Variants in CD36 observed in about 807,000 individuals in gnomAD.
CD36 encodes CD36 molecule (CD36 blood group).
CD36 carries 119 observed loss-of-function variants against 55.2 expected under a neutral mutation model. That is an observed-to-expected ratio of 2.15 (90% CI 1.86 to 2.51). CD36 has a LOEUF of 2.51. Ranked by LOEUF, CD36 falls within the 30% of genes most tolerant of loss-of-function variation. The pLI, the probability that CD36 is intolerant of heterozygous loss-of-function variation, is 0.00. For missense variants in CD36, 819 were observed against 555.5 expected, an observed-to-expected ratio of 1.47 and a Z score of -4.77; for synonymous variants, 186 against 193.6, an observed-to-expected ratio of 0.96 and a Z score of 0.33.
intron 1 of CD36, among the ~76,000 whole-genome samples, chr7:80,606,953 A>G (rs182491679): frequency 6.6e-6 from 1 of 152,204 alleles, no homozygotes; most frequent in Admixed American, 6.5e-5. Context: ...ATCTTTGTGT[A>G]TTTTATCCTT....
chr7:80,658,262 G>A (rs1334034230), intron 4 of CD36, among the ~76,000 whole-genome samples: 2 of 145,130 alleles, frequency 1.4e-5, no homozygotes, highest in Non-Finnish European at 3.1e-5. Context: ...GTTGTTAGGT[G>A]TACCATATAT....
At chr7:80,610,211 A>T (rs570953920) in intron 1 of CD36, among the ~76,000 whole-genome samples, 13 of 152,318 alleles carry the variant, frequency 8.5e-5, no homozygotes, top group African/African-American at 3.1e-4. Flanking sequence ...GCCTTTTTAA[A>T]AATTGTTACT....
At chr7:80,663,815 C>A (rs1796752772) in intron 6 of CD36, among the ~76,000 whole-genome samples, 1 of 152,064 alleles carries the variant, frequency 6.6e-6, no homozygotes, top group African/African-American at 2.4e-5. Flanking sequence ...CTTCATTTGG[C>A]ACTATATGTG....
At chr7:80,634,197 A>G (rs1355683501), upstream of CD36, among the ~76,000 whole-genome samples, 1 of 152,018 alleles carries the variant, frequency 6.6e-6, no homozygotes, top group Admixed American at 6.6e-5. Flanking sequence ...TTATTCAGCA[A>G]GGTAATACAT....
intron 1 of CD36, among the ~76,000 whole-genome samples, chr7:80,643,875 G>A (rs570232338): frequency 4.6e-5 from 7 of 152,212 alleles, no homozygotes; most frequent in East Asian, 3.9e-4. Flanking sequence ...AGCTGGGATC[G>A]CTATATTTTA....
At chr7:80,623,384 T>A (rs983192829) in intron 1 of CD36, among the ~76,000 whole-genome samples, 4 of 152,208 alleles carry the variant, frequency 2.6e-5, no homozygotes, top group Admixed American at 6.5e-5. Flanking sequence ...AGTGACCATG[T>A]GATAAATATT....
chr7:80,643,124 T>C (rs1282348579), intron 1 of CD36, among the ~76,000 whole-genome samples: 1 of 152,160 alleles, frequency 6.6e-6, no homozygotes, highest in African/African-American at 2.4e-5. Context: ...CCTGGTTTCT[T>C]CAGTGGTTAC....
chr7:80,636,745 G>C (rs1267619908), upstream of CD36: 1 of 151,964 alleles, frequency 6.6e-6, no homozygotes, highest in Non-Finnish European at 1.5e-5. Context: ...TTTAAAATGG[G>C]TACAGCATTT....
chr7:80,673,003 T>G, intron 12 of CD36, 160 bp downstream of exon 12: 1 of 635,538 alleles, frequency 1.6e-6, no homozygotes, highest in East Asian at 2.8e-5. Context: ...TTATGACTAA[T>G]TTCACAGATT....
At chr7:80,646,424 A>G (rs1795171332) in intron 2 of CD36, 12 of 347,886 alleles carry the variant, frequency 3.4e-5, no homozygotes, top group South Asian at 3.1e-4. Context: ...ATTAAAAAGG[A>G]GGAATATGAA....
chr7:80,675,759 C>T (rs949206407), intron 14 of CD36, among the ~76,000 whole-genome samples: 1 of 152,020 alleles, frequency 6.6e-6, no homozygotes, highest in African/African-American at 2.4e-5. Context: ...AGTAAGAAGA[C>T]AGGTATGTAA....
upstream of CD36, among the ~76,000 whole-genome samples, chr7:80,634,456 T>C (rs1794267576): frequency 6.6e-6 from 1 of 152,154 alleles, no homozygotes; most frequent in Non-Finnish European, 1.5e-5. Context: ...TAGCCTTACA[T>C]TTTAAAGTTT....
In CD36 at chr7:80,663,004, C is replaced by G; in HGVS notation, c.444C>G (p.Ile148Met). 1 of 1,612,444 alleles carries G rather than the reference C, an allele frequency of 6.2e-7. No homozygotes were observed. Among genetic ancestry groups the G allele is most frequent in the Non-Finnish European group, 8.5e-7 (1 of 1,178,784 alleles). Residue 148 changes from isoleucine to methionine, a missense_variant, in exon 6 of 15, where the codon ATC becomes ATG. By Grantham distance (10) the Ile-to-Met change is conservative. Transcript: ENST00000447544. ...LNLAVAAASH[I>M]YQNQFVQMIL... Reference sequence around the variant, plus strand: ...TGTTTTTGTAGGCTGCATCCCATATCTATCAAAATCAATTTGTTCAAATGA... The same window carrying G: ...TGTTTTTGTAGGCTGCATCCCATATGTATCAAAATCAATTTGTTCAAATGA...
At chr7:80,654,218 A>C (rs749462611) in intron 3 of CD36, among the ~76,000 whole-genome samples, 23 of 152,218 alleles carry the variant, frequency 1.5e-4, no homozygotes, top group Non-Finnish European at 2.9e-4. Flanking sequence ...GAAGGCATTC[A>C]ATCCTGTCAA....
At chr7:80,662,296 T>C (rs2116678937) in intron 5 of CD36, 1 of 155,218 alleles carries the variant, frequency 6.4e-6, no homozygotes, top group Admixed American at 6.5e-5. Flanking sequence ...CCTAAACATT[T>C]TCCTGAAGCT....
chr7:80,622,407 C>T (rs1294716729), intron 1 of CD36, among the ~76,000 whole-genome samples: 1 of 152,020 alleles, frequency 6.6e-6, no homozygotes, highest in East Asian at 1.9e-4. Context: ...TGAAGGAGAA[C>T]AAAGAAGAAT....
In CD36 at chr7:80,649,201, C is replaced by A. The variant is rs139459742; in HGVS notation, c.120+2341C>A. ...GCTGTTATTTTACTCATCTTACAGG[C>A]GCAAGTCCTTAAATCAACTTGCCAA... is the stretch of plus-strand genomic sequence containing the variant. On this transcript the variant is annotated intron_variant, in intron 3 of 14. Coordinates refer to ENST00000447544, the MANE Select transcript of CD36 (RefSeq NM_001001548.3). Among the ~76,000 whole-genome samples, 169 of 152,086 alleles carry A rather than the reference C, an allele frequency of 1.1e-3. 1 individual carries two copies. The highest frequency in any genetic ancestry group is 3.9e-3 in the African/African-American group (162 of 41,532).
chr7:80,667,754 T>TTGTTTTTG (rs1797250137), intron 8 of CD36, among the ~76,000 whole-genome samples: 1 of 128,726 alleles, frequency 7.8e-6, no homozygotes, highest in South Asian at 2.5e-4. Flanking sequence ...TTTGTTTTTT[T>TTGTTTTTG]TTTTTTTTTT....
intron 1 of CD36, among the ~76,000 whole-genome samples, chr7:80,628,469 A>G (rs1793872515): frequency 6.6e-6 from 1 of 152,094 alleles, no homozygotes. Flanking sequence ...TGTTATATTA[A>G]TATCTATATT....
Sources: allele counts gnomAD v4.1 joint callset (sites outside exome capture counted in the v4.1 genomes callset), GRCh38; gene constraint gnomAD v4.1.1; transcripts MANE v1.5; gene names NCBI Gene and HGNC (gene_info 2026-07-23, HGNC 2026-07-21).